CEP128: variants seen among roughly 807,000 people sequenced by gnomAD.
CEP128 encodes centrosomal protein 128kDa.
CEP128 carries 132 observed loss-of-function variants against 156.7 expected under a neutral mutation model. The ratio of observed to expected loss-of-function variants is 0.84; its 90% CI spans 0.73 to 0.97. The LOEUF (loss-of-function observed/expected upper bound fraction) is 0.97. CEP128 is among the 50% of genes least tolerant of loss of function. CEP128 has a pLI of 0.00. For synonymous variants in CEP128, 469 were observed against 448.9 expected (o/e 1.04, Z -0.57); for missense variants, 1,252 against 1,281.9 (o/e 0.98, Z 0.36).
At chr14:80,637,971 G>C (rs1443228392) in intron 19 of CEP128, among the ~76,000 whole-genome samples, 1 of 152,216 alleles carries the variant, frequency 6.6e-6, no homozygotes, top group African/African-American at 2.4e-5. Flanking sequence ...GTCAGGTCCT[G>C]CTGACACTTT....
At chr14:80,602,008 A>T (rs1306031622) in intron 19 of CEP128, among the ~76,000 whole-genome samples, 1 of 152,184 alleles carries the variant, frequency 6.6e-6, no homozygotes, top group African/African-American at 2.4e-5. Flanking sequence ...AAAGTAGGTT[A>T]AAAAAGGATG....
intron 19 of CEP128, among the ~76,000 whole-genome samples, chr14:80,739,464 C>T (rs1286005897): frequency 6.6e-6 from 1 of 152,136 alleles, no homozygotes; most frequent in South Asian, 2.1e-4. Flanking sequence ...TCCTGCTATA[C>T]CAGCTAAACT....
chr14:80,802,046 G>A (rs1301990727), intron 13 of CEP128, among the ~76,000 whole-genome samples: 2 of 151,806 alleles, frequency 1.3e-5, no homozygotes, highest in Non-Finnish European at 2.9e-5. Flanking sequence ...AATAGATGCT[G>A]GTGAGGCTGT....
At chr14:80,808,113 C>A (rs149763853) in intron 13 of CEP128, among the ~76,000 whole-genome samples, 674 of 152,336 alleles carry the variant, frequency 4.4e-3, no homozygotes, top group Non-Finnish European at 7.7e-3. Context: ...CTATGCTTGG[C>A]CTCACAAGCA....
Position 80,905,942 on chromosome 14 carries a change from T to G in CEP128, c.361+13A>C, listed in dbSNP as rs1883863787. 6.2e-7 allele frequency: 1 copy of G among 1,606,176 alleles called. No individual in the cohort carries two copies. Among genetic ancestry groups the G allele is most frequent in the Non-Finnish European group, 8.5e-7 (1 of 1,177,924 alleles). On this transcript the variant is annotated intron_variant, in intron 5 of 24. Transcript: ENST00000555265. Reference sequence around the variant, plus strand: ...ATATTTTTAATGTTTTTCAGAACATTTGAAGTGTTTACCTGACCCAGTGCC... The same window carrying G: ...ATATTTTTAATGTTTTTCAGAACATGTGAAGTGTTTACCTGACCCAGTGCC...
upstream of CEP128, chr14:80,942,224 C>G (rs568946193): frequency 6.6e-6 from 1 of 152,066 alleles, no homozygotes; most frequent in African/African-American, 2.4e-5. Context: ...TAGAAGCGGA[C>G]GGGAACAGAG....
At chr14:80,522,427 C>T (rs2140251100) in intron 23 of CEP128, among the ~76,000 whole-genome samples, 1 of 152,312 alleles carries the variant, frequency 6.6e-6, no homozygotes, top group Middle Eastern at 3.4e-3. Context: ...GTAGACTCTG[C>T]TGAAAGCCAT....
At chr14:80,899,215 G>T (rs531955430) in intron 7 of CEP128, among the ~76,000 whole-genome samples, 1 of 152,256 alleles carries the variant, frequency 6.6e-6, no homozygotes, top group African/African-American at 2.4e-5. Context: ...CACAGAACTG[G>T]TGTGTGGGAT....
intron 19 of CEP128, among the ~76,000 whole-genome samples, chr14:80,629,561 T>TAAAC (rs60515596): frequency 0.36 from 53,747 of 147,990 alleles, 11,321 homozygotes; most frequent in African/African-American, 0.6. Context: ...TTGGGAAACA[T>TAAAC]AAAATTTTAG....
chr14:80,749,022 T>A (rs1209678248), intron 18 of CEP128, among the ~76,000 whole-genome samples: 2 of 152,104 alleles, frequency 1.3e-5, no homozygotes, highest in Non-Finnish European at 2.9e-5. Flanking sequence ...CCATAAGCCC[T>A]GGGAGAGACT....
intron 20 of CEP128, among the ~76,000 whole-genome samples, chr14:80,563,471 A>G (rs1430775075): frequency 6.7e-6 from 1 of 148,796 alleles, no homozygotes. Flanking sequence ...AATTTTATAT[A>G]TACTTTTTGG....
At chr14:80,761,114 C>A (rs552144033) in intron 17 of CEP128, among the ~76,000 whole-genome samples, 3 of 152,012 alleles carry the variant, frequency 2.0e-5, no homozygotes, top group South Asian at 4.2e-4. Flanking sequence ...CGGTAATATA[C>A]CAACAACAAC....
intron 23 of CEP128, among the ~76,000 whole-genome samples, chr14:80,525,454 C>A (rs964828767): frequency 6.6e-6 from 1 of 152,140 alleles, no homozygotes; most frequent in African/African-American, 2.4e-5. Flanking sequence ...GCATGTAACA[C>A]CTACAAAAAG....
chr14:80,559,723 CACA>C (rs1890590124), intron 20 of CEP128, among the ~76,000 whole-genome samples: 1 of 152,050 alleles, frequency 6.6e-6, no homozygotes, highest in African/African-American at 2.4e-5. Flanking sequence ...ATGTGGTCTC[CACA>C]ACAAGCTGAA....
intron 24 of CEP128, among the ~76,000 whole-genome samples, chr14:80,499,009 A>G (rs898800706): frequency 1.3e-5 from 2 of 152,262 alleles, no homozygotes; most frequent in Non-Finnish European, 2.9e-5. Flanking sequence ...TCAGTAAAAA[A>G]TACCTGAACC....
chr14:80,681,301 T>A (rs1896315250), intron 19 of CEP128, among the ~76,000 whole-genome samples: 1 of 152,064 alleles, frequency 6.6e-6, no homozygotes, highest in African/African-American at 2.4e-5. Flanking sequence ...TGTCAGCATC[T>A]CCAGATGAGA....
At chr14:80,699,433 T>C (rs1010207952) in intron 19 of CEP128, among the ~76,000 whole-genome samples, 1 of 152,010 alleles carries the variant, frequency 6.6e-6, no homozygotes, top group Non-Finnish European at 1.5e-5. Context: ...AACCAGGGAG[T>C]TTCTTTTTGA....
intron 21 of CEP128, among the ~76,000 whole-genome samples, chr14:80,551,314 C>A (rs183340843): frequency 2.9e-4 from 44 of 152,276 alleles, no homozygotes; most frequent in African/African-American, 8.7e-4. Context: ...TCAACATATA[C>A]AGAAAGGGCT....
Position 80,953,391 on chromosome 14 carries a change from C to T in CEP128, c.-172+4787G>A, listed in dbSNP as rs534662466. ...ACGAGATCAGGAGTTCCAGACCAGC[C>T]TGGCCAACATGGTGAAACCCCGTCT... On this transcript the variant is annotated intron_variant, in intron 2 of 7. Transcript: ENST00000555529. Among the ~76,000 whole-genome samples, 26 of 152,208 alleles carry T rather than the reference C, an allele frequency of 1.7e-4. 1 individual carries two copies. The highest frequency in any genetic ancestry group is 1.0e-3 in the South Asian group (5 of 4,812).
Sources: allele counts gnomAD v4.1 joint callset (sites outside exome capture counted in the v4.1 genomes callset), GRCh38; gene constraint gnomAD v4.1.1; transcripts MANE v1.5; gene names NCBI Gene and HGNC (gene_info 2026-07-23, HGNC 2026-07-21).